ITGA1: variants seen among roughly 807,000 people sequenced by gnomAD.
The protein encoded by ITGA1 is integrin subunit alpha 1, also known as integrin alpha-1.
In ITGA1, 85 loss-of-function variants were observed where a neutral mutation model predicts 145.9. The ratio of observed to expected loss-of-function variants is 0.58; its 90% CI spans 0.49 to 0.70. The LOEUF is 0.70. ITGA1 is among the 30% of genes least tolerant of loss of function. ITGA1 has a pLI of 0.00. For synonymous variants in ITGA1, 520 were observed against 495.3 expected (o/e 1.05, Z -0.66); for missense variants, 1,351 against 1,418.7 (o/e 0.95, Z 0.77).
Position 52,954,633 on chromosome 5 carries a change from G to C in ITGA1, c.*2182G>C, listed in dbSNP as rs1751276455. ...TTTGTTGAGGTTTGTGTGTGTGTGT[G>C]TGTGCATGTGCAGACACATGTACAC... On this transcript the variant is annotated 3_prime_UTR_variant, in exon 29 of 29. Coordinates refer to ENST00000282588, the MANE Select transcript of ITGA1 (RefSeq NM_181501.2). 2 of 152,048 alleles carry C rather than the reference G, an allele frequency of 1.3e-5. No homozygotes were observed. Among genetic ancestry groups the C allele is most frequent in the Admixed American group, 1.3e-4 (2 of 15,260 alleles). The allele number at this position is 152,048 out of a possible 1,614,324, so 9.4% of individuals were successfully genotyped here.
At chr5:52,907,271 G>T (rs1375385433) in intron 12 of ITGA1, among the ~76,000 whole-genome samples, 2 of 152,082 alleles carry the variant, frequency 1.3e-5, no homozygotes, top group African/African-American at 4.8e-5. Context: ...GTTAGAAAAA[G>T]GCTATTGTTG....
rs537987627 is a variant in ITGA1, at chr5:52,841,630, C to T, written c.62-7735C>T. Reference sequence around the variant, plus strand: ...ATAAAACTGATTAAAATTTCCAACCCATAAGACTAATATTATAAAGTTGTT... The same window carrying T: ...ATAAAACTGATTAAAATTTCCAACCTATAAGACTAATATTATAAAGTTGTT... On this transcript the variant is annotated intron_variant, in intron 1 of 28. Transcript: ENST00000282588. Among the ~76,000 whole-genome samples, 3 of 152,226 alleles carry T rather than the reference C, an allele frequency of 2.0e-5. No homozygotes were observed. The South Asian group carries it at 6.2e-4, about 32-fold the overall frequency.
chr5:52,811,387 C>T (rs1748681669), intron 1 of ITGA1, among the ~76,000 whole-genome samples: 1 of 152,132 alleles, frequency 6.6e-6, no homozygotes, highest in African/African-American at 2.4e-5. Context: ...GGTGCAGTAA[C>T]AATAATTGCT....
chr5:52,867,955 T>C (rs187612026), intron 6 of ITGA1, among the ~76,000 whole-genome samples: 12 of 152,172 alleles, frequency 7.9e-5, no homozygotes, highest in Non-Finnish European at 2.9e-5. Flanking sequence ...TGAGGATGAC[T>C]GTCCTCATCC....
intron 1 of ITGA1, chr5:52,800,072 G>C (rs967322154): frequency 5.9e-6 from 2 of 337,788 alleles, no homozygotes; most frequent in Non-Finnish European, 1.1e-5. Flanking sequence ...CGGGTCGCGG[G>C]ACGGGGGCTG....
chr5:52,939,075 G>A lies in ITGA1; in HGVS notation c.3079-515G>A, dbSNP rs189379726. Reference sequence around the variant, plus strand: ...CTGCCACCACACCCAACTAATTTTTGTATTTCTAGTAGAGATGGGGCCTCA... The same window carrying A: ...CTGCCACCACACCCAACTAATTTTTATATTTCTAGTAGAGATGGGGCCTCA... On this transcript the variant is annotated intron_variant, in intron 24 of 28. Transcript: ENST00000282588. Among the ~76,000 whole-genome samples the A allele has an allele frequency of 8.6e-5, 13 of 152,046 alleles. No individual in the cohort carries two copies. In the East Asian group the frequency reaches 2.5e-3, roughly 30 times the overall value.
At chr5:52,846,881 A>G (rs976408189) in intron 1 of ITGA1, among the ~76,000 whole-genome samples, 3 of 151,920 alleles carry the variant, frequency 2.0e-5, no homozygotes, top group African/African-American at 4.9e-5. Context: ...TTCTATCTCC[A>G]TAAAATCTTC....
At chr5:52,911,334 GTATA>G (rs1279118782) in intron 14 of ITGA1, among the ~76,000 whole-genome samples, 42 of 132,906 alleles carry the variant, frequency 3.2e-4, no homozygotes, top group African/African-American at 1.1e-3. Flanking sequence ...TGTATATAGT[GTATA>G]TATAGTATAT....
At position 52,943,343 on chromosome 5, in the gene ITGA1, G is replaced by A. The variant is rs921849418; in HGVS notation, c.3286-1600G>A. On this transcript the variant is annotated intron_variant, in intron 26 of 28. Transcript: ENST00000282588. The stretch of plus-strand genomic sequence containing the variant: ...TGGTGTAAGTTGAGTGTAGTCATTT[G>A]GGTTTGTTTCTGGATGCTTTCAGAG... 3.3e-5 allele frequency among the ~76,000 whole-genome samples: 5 copies of A among 152,138 alleles called. No homozygotes were observed. The South Asian group carries it at 1.0e-3, about 32-fold the overall frequency.
chr5:52,793,744 G>T (rs952003418), intron 1 of ITGA1, among the ~76,000 whole-genome samples: 1 of 151,980 alleles, frequency 6.6e-6, no homozygotes. Flanking sequence ...TGATTTAGGG[G>T]ATAATTGCTC....
chr5:52,927,961 G>A (rs1750837110), intron 20 of ITGA1, among the ~76,000 whole-genome samples: 1 of 152,130 alleles, frequency 6.6e-6, no homozygotes, highest in Non-Finnish European at 1.5e-5. Flanking sequence ...AGAGGCTTGA[G>A]GGAGACTGCT....
In ITGA1 at chr5:52,953,517, AC is replaced by A. The variant is rs1200044963; in HGVS notation, c.*1067del. The A allele has an allele frequency of 6.6e-6, 1 of 152,216 alleles. No homozygotes were observed. Among genetic ancestry groups the A allele is most frequent in the Non-Finnish European group, 1.5e-5 (1 of 68,038 alleles). The allele number at this position is 152,216 out of a possible 1,614,324, so 9.4% of individuals were successfully genotyped here. The stretch of plus-strand genomic sequence containing the variant: ...CCACACTTCTTATTTTTTTGAAAAG[AC>A]AATTTTCCATTTCAGTATTACATTT... On this transcript the variant is annotated 3_prime_UTR_variant, in exon 29 of 29. Transcript: ENST00000282588.
chr5:52,830,796 C>CT (rs1749049503), intron 1 of ITGA1, among the ~76,000 whole-genome samples: 1 of 152,186 alleles, frequency 6.6e-6, no homozygotes, highest in African/African-American at 2.4e-5. Flanking sequence ...TACTTTCCAT[C>CT]TATACGCCAG....
rs1266836565 is a variant in ITGA1, at chr5:52,894,824, GA to G, written c.1090+991del. The stretch of plus-strand genomic sequence containing the variant: ...GACAAAATGGGAATGAGACACAACT[GA>G]AAAAAAGTAGACCATTTTGATTGAG... On this transcript the variant is annotated intron_variant, in intron 9 of 28. Transcript: ENST00000282588. Among the ~76,000 whole-genome samples the G allele has an allele frequency of 3.3e-5, 5 of 152,046 alleles. No individual in the cohort carries two copies. The East Asian group carries it at 5.8e-4, about 18-fold the overall frequency.
At chr5:52,816,233 A>G (rs1260362828) in intron 1 of ITGA1, among the ~76,000 whole-genome samples, 1 of 152,220 alleles carries the variant, frequency 6.6e-6, no homozygotes, top group Non-Finnish European at 1.5e-5. Flanking sequence ...CTTAATATAT[A>G]TCCATGCACA....
intron 11 of ITGA1, among the ~76,000 whole-genome samples, chr5:52,900,034 G>A (rs1234489500): frequency 6.6e-6 from 1 of 152,162 alleles, no homozygotes; most frequent in Non-Finnish European, 1.5e-5. Context: ...GGAATAAAAA[G>A]ATAGATGGGG....
chr5:52,887,724 CTAGAG>C (rs773232088), intron 7 of ITGA1, 86 bp from the exon 8 acceptor site: 146 of 1,281,328 alleles, frequency 1.1e-4, no homozygotes, highest in Non-Finnish European at 1.5e-4. Context: ...ACCAGGCTAC[CTAGAG>C]TAGTCAGTGT....
intron 6 of ITGA1, among the ~76,000 whole-genome samples, chr5:52,870,731 G>C (rs1749764978): frequency 6.6e-6 from 1 of 152,196 alleles, no homozygotes; most frequent in Non-Finnish European, 1.5e-5. Flanking sequence ...TCAAAAGCAA[G>C]AGCCAGTGTG....
At chr5:52,918,238 T>G (rs1750678226) in intron 15 of ITGA1, among the ~76,000 whole-genome samples, 1 of 152,168 alleles carries the variant, frequency 6.6e-6, no homozygotes, top group Admixed American at 6.5e-5. Flanking sequence ...CCTTAAGAAT[T>G]AAATGAAATA....
Sources: gnomAD v4.1 joint callset for allele counts (sites outside exome capture counted in the v4.1 genomes callset) on GRCh38, gnomAD v4.1.1 for gene constraint, MANE v1.5 for transcripts, NCBI Gene and HGNC (gene_info 2026-07-23, HGNC 2026-07-21) for gene names.